The following NCOA1 variants were observed in gnomAD, a reference collection of about 807,000 sequenced individuals.
NCOA1 encodes the protein nuclear receptor coactivator 1, also known as Hin-2 protein.
NCOA1 carries 35 observed loss-of-function variants against 150.9 expected under a neutral mutation model. That is an observed-to-expected ratio of 0.23 (90% confidence interval 0.18 to 0.31). NCOA1 has a LOEUF of 0.31. NCOA1 is among the 10% of genes least tolerant of loss of function. NCOA1 has a pLI of 1.00. For synonymous variants in NCOA1, 590 were observed against 630.0 expected (o/e 0.94, Z 0.95); for missense variants, 1,491 against 1,749.3 (o/e 0.85, Z 2.63).
At chr2:24,639,448 T>C (rs1246069615) in intron 3 of NCOA1, among the ~76,000 whole-genome samples, 1 of 152,182 alleles carries the variant, frequency 6.6e-6, no homozygotes, top group Non-Finnish European at 1.5e-5. Flanking sequence ...TCAATCTTGC[T>C]AAAGTTTTAT....
At chr2:24,723,495 C>G (rs568818435) in intron 14 of NCOA1, among the ~76,000 whole-genome samples, 1 of 152,154 alleles carries the variant, frequency 6.6e-6, no homozygotes, top group Non-Finnish European at 1.5e-5. Context: ...CCAAATAGTC[C>G]TTTCCAGCAG....
At chr2:24,616,845 G>A (rs1490154983) in intron 3 of NCOA1, among the ~76,000 whole-genome samples, 1 of 152,150 alleles carries the variant, frequency 6.6e-6, no homozygotes, top group Non-Finnish European at 1.5e-5. Flanking sequence ...AATCCCTGAG[G>A]ATTTAGCAGA....
At chr2:24,695,975 T>G (rs1275933293) in intron 10 of NCOA1, among the ~76,000 whole-genome samples, 2 of 152,208 alleles carry the variant, frequency 1.3e-5, no homozygotes. Flanking sequence ...TATGTAGCAG[T>G]GGAATCCCTG....
chr2:24,762,560 T>C lies in NCOA1; in HGVS notation c.4066-127T>C. ...CCTGACTTGTAACAACACAGTTAAT[T>C]GCTAAGCTTTTCATTTTTGCTGTGC... On this transcript the variant is annotated intron_variant, in intron 21 of 22. Coordinates refer to ENST00000348332, the MANE Select transcript of NCOA1 (RefSeq NM_003743.5). 5.1e-6 allele frequency: 4 copies of C among 791,104 alleles called. No homozygotes were observed. The South Asian group carries it at 6.3e-5, about 13-fold the overall frequency. 49.0% of individuals were successfully genotyped at this position (791,104 alleles called of 1,614,324 possible). A position where few individuals can be genotyped will look rare whatever the true frequency, so the allele number is the denominator to read the frequency against.
intron 15 of NCOA1, among the ~76,000 whole-genome samples, 170 bp downstream of exon 15, chr2:24,726,876 C>T (rs1674653914): frequency 6.7e-6 from 1 of 150,250 alleles, no homozygotes; most frequent in East Asian, 1.9e-4. Context: ...GTGGCTCTGG[C>T]CTGTAATCCC....
intron 11 of NCOA1, among the ~76,000 whole-genome samples, chr2:24,699,456 A>G (rs1219078515): frequency 1.3e-5 from 2 of 152,216 alleles, no homozygotes; most frequent in Non-Finnish European, 2.9e-5. Context: ...GTTTGTCATT[A>G]ATATATAAAC....
intron 13 of NCOA1, among the ~76,000 whole-genome samples, chr2:24,708,297 GTTAC>G (rs964903094): frequency 3.3e-5 from 5 of 152,272 alleles, no homozygotes; most frequent in South Asian, 2.1e-4. Context: ...GATGGACAAG[GTTAC>G]TTAGTCTGGC....
chr2:24,644,901 C>T (rs1174077270), intron 4 of NCOA1, among the ~76,000 whole-genome samples: 2 of 152,146 alleles, frequency 1.3e-5, no homozygotes, highest in Non-Finnish European at 2.9e-5. Context: ...ACCACCACCC[C>T]AGAAATCCTC....
intron 21 of NCOA1, among the ~76,000 whole-genome samples, chr2:24,761,886 G>T (rs560727390): frequency 6.6e-6 from 1 of 152,180 alleles, no homozygotes; most frequent in African/African-American, 2.4e-5. Flanking sequence ...TTCCACTCTG[G>T]GGGGTGAAAT....
intron 1 of NCOA1, among the ~76,000 whole-genome samples, chr2:24,544,187 G>A (rs1284179055): frequency 6.6e-6 from 1 of 152,134 alleles, no homozygotes; most frequent in Non-Finnish European, 1.5e-5. Context: ...GTGTCATTCA[G>A]TAGATAAACC....
chr2:24,671,385 A>G (rs1671676391), intron 6 of NCOA1, among the ~76,000 whole-genome samples: 1 of 152,156 alleles, frequency 6.6e-6, no homozygotes, highest in African/African-American at 2.4e-5. Flanking sequence ...AGCCAGGGGC[A>G]GTGGTGCATG....
In NCOA1 at chr2:24,758,102, G is replaced by C; in HGVS notation, c.4011G>C (p.Gln1337His). 6.2e-7 allele frequency: 1 copy of C among 1,614,114 alleles called. No homozygotes were observed. Among genetic ancestry groups the C allele is most frequent in the East Asian group, 2.2e-5 (1 of 44,870 alleles). ...AGAACATGAACCCAATGATGGCCCA[G>C]ATGCAGATGAGCTCTTTGCAGATGC... ...NVQNMNPMMA[Q>H]MQMSSLQMPG... Residue 1337 changes from glutamine (Q) to histidine (H), a missense_variant, in exon 21 of 23, where the codon CAG becomes CAC. By Grantham distance (24) the Gln-to-His change is conservative. This residue lies in a region of NCOA1 where 485 missense variants were observed against 522.8 expected (regional missense o/e 0.93). Transcript: ENST00000348332.
At chr2:24,667,585 T>G (rs1168001989) in intron 6 of NCOA1, among the ~76,000 whole-genome samples, 4 of 152,168 alleles carry the variant, frequency 2.6e-5, no homozygotes, top group Non-Finnish European at 5.9e-5. Context: ...GGGAAGGTAT[T>G]TCATCAAAAG....
At chr2:24,569,479 A>C (rs1267442809) in intron 2 of NCOA1, among the ~76,000 whole-genome samples, 1 of 151,790 alleles carries the variant, frequency 6.6e-6, no homozygotes, top group Non-Finnish European at 1.5e-5. Flanking sequence ...ATTTTGTAAA[A>C]GTCTGAATTA....
At chr2:24,601,266 A>C (rs1011106386) in intron 3 of NCOA1, among the ~76,000 whole-genome samples, 1 of 152,154 alleles carries the variant, frequency 6.6e-6, no homozygotes, top group African/African-American at 2.4e-5. Context: ...AGGCTAGAGT[A>C]CAGTGGTACA....
intron 4 of NCOA1, among the ~76,000 whole-genome samples, chr2:24,651,885 T>C (rs898241911): frequency 2.0e-5 from 3 of 152,040 alleles, no homozygotes; most frequent in Non-Finnish European, 4.4e-5. Context: ...GAAATAACTC[T>C]TTATTTGGTG....
chr2:24,689,757 C>G (rs1225677179), intron 8 of NCOA1, among the ~76,000 whole-genome samples: 1 of 152,178 alleles, frequency 6.6e-6, no homozygotes, highest in African/African-American at 2.4e-5. Flanking sequence ...AATTAGACAA[C>G]TTAATCCATT....
chr2:24,665,070 TG>T (rs1671355518), intron 5 of NCOA1, among the ~76,000 whole-genome samples: 1 of 152,226 alleles, frequency 6.6e-6, no homozygotes, highest in Non-Finnish European at 1.5e-5. Flanking sequence ...GTATGCACCT[TG>T]TTCTCATTAT....
chr2:24,497,529 G>A (rs143467276), intron 1 of NCOA1, among the ~76,000 whole-genome samples: 240 of 152,220 alleles, frequency 1.6e-3, no homozygotes, highest in Middle Eastern at 6.8e-3. Context: ...AAAAATAGCC[G>A]GGTGTGGTGG....
Sources: gnomAD v4.1 joint callset for allele counts (sites outside exome capture counted in the v4.1 genomes callset) on GRCh38, gnomAD v4.1.1 for gene constraint, gnomAD v4.1.1 regional missense constraint, MANE v1.5 for transcripts, NCBI Gene and HGNC (gene_info 2026-07-23, HGNC 2026-07-21) for gene names.